ZNF705B: variants seen among roughly 807,000 people sequenced by gnomAD.
ZNF705B encodes Putative zinc finger protein 705D-like protein LOC100132396.
In ZNF705B, 1 loss-of-function variant was observed where a neutral mutation model predicts 10.5. That is an observed-to-expected ratio of 0.10 (90% CI 0.03 to 0.45). The LOEUF (loss-of-function observed/expected upper bound fraction) is 0.45, where lower values mean the gene tolerates loss of function less well. Among genes scored for constraint, ZNF705B ranks in the 20% least tolerant of loss-of-function variants. The pLI, the probability that ZNF705B is intolerant of heterozygous loss-of-function variation, is 0.97. For missense variants in ZNF705B, 14 were observed against 84.0 expected (o/e 0.17, Z 3.26); for synonymous variants, 4 against 25.4 (o/e 0.16, Z 2.53).
rs1819688912 is a variant in ZNF705B at position 7,926,445 on chromosome 8, A to C, written c.-222+48A>C. On this transcript the variant is annotated intron_variant, in intron 1 of 6. Transcript: ENST00000400120. ...TGGGGCTAAAGAAGGGGTGGGAGGC[A>C]ATAAAGAGGCTTGCTTTCAGGGTGT... 1.7e-5 allele frequency: 2 copies of C among 118,854 alleles called. 1 individual carries two copies. The highest frequency in any genetic ancestry group is 4.0e-5 in the Non-Finnish European group (2 of 50,040). The allele number at this position is 118,854 out of a possible 1,614,324, so 7.4% of individuals were successfully genotyped here.
Position 7,936,978 on chromosome 8 carries a change from C to T in ZNF705B, c.-72+6542C>T, listed in dbSNP as rs1217413404. On this transcript the variant is annotated intron_variant, in intron 2 of 6. Coordinates refer to ENST00000400120, the MANE Select transcript of ZNF705B (RefSeq NM_001193630.1). Reference sequence around the variant, plus strand: ...AACATTAGGGATTTTAAAAATCTTTCGTTTTCATTTGTTCTTTGCTTGTAA... The same window carrying T: ...AACATTAGGGATTTTAAAAATCTTTTGTTTTCATTTGTTCTTTGCTTGTAA... Among the ~76,000 whole-genome samples, 4 of 120,314 alleles carry T rather than the reference C, an allele frequency of 3.3e-5. 1 individual carries two copies. Among genetic ancestry groups the T allele is most frequent in the East Asian group, 2.4e-4 (1 of 4,242 alleles). The allele number at this position is 120,314 out of a possible 152,430, so 78.9% of individuals were successfully genotyped here.
intron 2 of ZNF705B, among the ~76,000 whole-genome samples, chr8:7,935,668 G>T (rs1819993700): frequency 9.1e-6 from 1 of 109,796 alleles, no homozygotes; most frequent in Non-Finnish European, 2.2e-5. Flanking sequence ...AGCAGTTAGT[G>T]GATTGATGTG....
intron 1 of ZNF705B, among the ~76,000 whole-genome samples, chr8:7,929,619 T>A (rs1819786254): frequency 8.1e-6 from 1 of 123,704 alleles, no homozygotes; most frequent in South Asian, 2.8e-4. Flanking sequence ...ATTCTCAGGT[T>A]ACACCCATGC....
At chr8:7,930,786 A>C (rs1819820654) in intron 2 of ZNF705B, among the ~76,000 whole-genome samples, 1 of 116,082 alleles carries the variant, frequency 8.6e-6, no homozygotes, top group Non-Finnish European at 2.1e-5. Context: ...ATAACAAATA[A>C]TGCTGACCAC....
chr8:7,936,979 G>A lies in ZNF705B; in HGVS notation c.-72+6543G>A, dbSNP rs574999447. Among the ~76,000 whole-genome samples, 117 of 120,222 alleles carry A rather than the reference G, an allele frequency of 9.7e-4. 10 individuals are homozygous for A. Among genetic ancestry groups the A allele is most frequent in the African/African-American group, 2.5e-3 (100 of 39,346 alleles). 78.9% of individuals were successfully genotyped at this position (120,222 alleles called of 152,430 possible). A position where few individuals can be genotyped will look rare whatever the true frequency, so the allele number is the denominator to read the frequency against. On this transcript the variant is annotated intron_variant, in intron 2 of 6. Transcript: ENST00000400120. ...ACATTAGGGATTTTAAAAATCTTTC[G>A]TTTTCATTTGTTCTTTGCTTGTAAA...
rs574328171 is a variant in ZNF705B at position 7,932,259 on chromosome 8, A to T, written c.-72+1823A>T. ...ACACTGGAGAGCCTGTCCTGGCTTT[A>T]AGCTGATTCTGGCTGGGCTGCTGCT... On this transcript the variant is annotated intron_variant, in intron 2 of 6. Transcript: ENST00000400120. Among the ~76,000 whole-genome samples, 474 of 120,840 alleles carry T rather than the reference A, an allele frequency of 3.9e-3. 17 individuals carry two copies. Among genetic ancestry groups the T allele is most frequent in the African/African-American group, 0.011 (428 of 39,698 alleles). The allele number at this position is 120,840 out of a possible 152,430, so 79.3% of individuals were successfully genotyped here.
At chr8:7,940,623 C>T (rs373851906) in intron 2 of ZNF705B, among the ~76,000 whole-genome samples, 1 of 144,362 alleles carries the variant, frequency 6.9e-6, no homozygotes, top group South Asian at 2.3e-4. Flanking sequence ...CTGGCAACCA[C>T]CATTCTACTC....
At chr8:7,932,639 G>A (rs1819881748) in intron 2 of ZNF705B, among the ~76,000 whole-genome samples, 1 of 121,636 alleles carries the variant, frequency 8.2e-6, no homozygotes, top group South Asian at 2.7e-4. Flanking sequence ...ATAGGGTTGA[G>A]TTGGTTGGAA....
At chr8:7,927,753 G>T (rs1409890270) in intron 1 of ZNF705B, among the ~76,000 whole-genome samples, 1 of 147,662 alleles carries the variant, frequency 6.8e-6, no homozygotes. Flanking sequence ...TGACTTTAGA[G>T]CTCTTTTATT....
intron 2 of ZNF705B, among the ~76,000 whole-genome samples, chr8:7,935,381 G>T (rs1427356675): frequency 6.8e-6 from 1 of 147,454 alleles, no homozygotes; most frequent in Non-Finnish European, 1.5e-5. Context: ...CACTGCTCTG[G>T]GGATAGGCCA....
chr8:7,935,899 A>T lies in ZNF705B; in HGVS notation c.-72+5463A>T, dbSNP rs1340076682. ...ACCCAAGCCCACTGGCCTTGTGCTA[A>T]AATTGGCCCTTTGCAGCTGGAAGAG... On this transcript the variant is annotated intron_variant, in intron 2 of 6. Coordinates refer to ENST00000400120, the MANE Select transcript of ZNF705B (RefSeq NM_001193630.1). Among the ~76,000 whole-genome samples the T allele has an allele frequency of 3.3e-5, 3 of 91,434 alleles. 1 individual carries two copies. Among genetic ancestry groups the T allele is most frequent in the Non-Finnish European group, 8.6e-5 (3 of 34,968 alleles). 60.0% of individuals were successfully genotyped at this position (91,434 alleles called of 152,430 possible).
chr8:7,927,373 G>A (rs1366957856), intron 1 of ZNF705B, among the ~76,000 whole-genome samples: 1 of 121,094 alleles, frequency 8.3e-6, no homozygotes, highest in African/African-American at 2.5e-5. Flanking sequence ...TGACTTAAAA[G>A]TTCCTCTTAC....
intron 2 of ZNF705B, among the ~76,000 whole-genome samples, chr8:7,940,366 A>G (rs1230516053): frequency 1.4e-5 from 2 of 146,302 alleles, no homozygotes; most frequent in Non-Finnish European, 1.5e-5. Context: ...ACACATCACT[A>G]CCATCAAGAT....
At chr8:7,929,307 T>C (rs1196061822) in intron 1 of ZNF705B, among the ~76,000 whole-genome samples, 4 of 121,602 alleles carry the variant, frequency 3.3e-5, no homozygotes, top group African/African-American at 1.0e-4. Flanking sequence ...TGGTCTGGCA[T>C]TAAAAATAAA....
At chr8:7,940,267 C>G (rs1368049116) in intron 2 of ZNF705B, among the ~76,000 whole-genome samples, 1 of 148,782 alleles carries the variant, frequency 6.7e-6, no homozygotes, top group Non-Finnish European at 1.5e-5. Flanking sequence ...TTATTTTAAC[C>G]GACTTTGTTG....
chr8:7,931,213 G>A (rs529948355), intron 2 of ZNF705B, among the ~76,000 whole-genome samples: 8 of 121,154 alleles, frequency 6.6e-5, no homozygotes, highest in African/African-American at 2.0e-4. Context: ...ACCCTGGGAG[G>A]CATGTGTAGC....
chr8:7,929,535 C>T (rs1419682698), intron 1 of ZNF705B, among the ~76,000 whole-genome samples: 4 of 121,872 alleles, frequency 3.3e-5, no homozygotes, highest in Non-Finnish European at 7.9e-5. Flanking sequence ...CCAGAAAATG[C>T]AAAATTATTG....
intron 2 of ZNF705B, among the ~76,000 whole-genome samples, chr8:7,940,811 G>A (rs1377017667): frequency 7.6e-6 from 1 of 132,374 alleles, no homozygotes; most frequent in Non-Finnish European, 1.7e-5. Flanking sequence ...TTGCATATAT[G>A]TATTAGCCAT....
At chr8:7,927,138 A>G (rs1052840556) in intron 1 of ZNF705B, among the ~76,000 whole-genome samples, 1 of 117,782 alleles carries the variant, frequency 8.5e-6, no homozygotes, top group Non-Finnish European at 2.0e-5. Flanking sequence ...TTATGCTAAC[A>G]TTTAATAAGT....
Sources: allele counts gnomAD v4.1 joint callset (sites outside exome capture counted in the v4.1 genomes callset), GRCh38; gene constraint gnomAD v4.1.1; transcripts MANE v1.5; gene names NCBI Gene and HGNC (gene_info 2026-07-23, HGNC 2026-07-21).